Variants in CHCHD3 observed in about 807,000 individuals in gnomAD.
CHCHD3 encodes the protein MICOS complex subunit MIC19.
CHCHD3 carries 20 observed loss-of-function variants against 38.2 expected under a neutral mutation model. That is an observed-to-expected ratio of 0.52 (90% CI 0.37 to 0.76). The LOEUF (loss-of-function observed/expected upper bound fraction) is 0.76, where lower values mean the gene tolerates loss of function less well. Ranked by LOEUF, CHCHD3 falls within the 30% of genes least tolerant of loss-of-function variation. CHCHD3 has a pLI of 0.00. For synonymous variants in CHCHD3, 82 were observed against 100.0 expected, an observed-to-expected ratio of 0.82 and a Z score of 1.07; for missense variants, 245 against 279.2, an observed-to-expected ratio of 0.88 and a Z score of 0.87.
chr7:133,016,678 G>T (rs562882371), intron 3 of CHCHD3, among the ~76,000 whole-genome samples: 2 of 152,144 alleles, frequency 1.3e-5, no homozygotes, highest in African/African-American at 4.8e-5. Flanking sequence ...TTTTTAGCTC[G>T]AGGCTATATT....
intron 4 of CHCHD3, among the ~76,000 whole-genome samples, chr7:132,892,140 T>C (rs898982452): frequency 6.6e-6 from 1 of 152,128 alleles, no homozygotes; most frequent in Admixed American, 6.5e-5. Flanking sequence ...TGGACAGACG[T>C]TGGGACAATT....
chr7:133,019,464 A>C (rs1813122381), intron 3 of CHCHD3, among the ~76,000 whole-genome samples: 1 of 152,334 alleles, frequency 6.6e-6, no homozygotes, highest in East Asian at 1.9e-4. Context: ...CAATGCTATC[A>C]ATGGAAAAAT....
chr7:132,934,855 C>G (rs2117261219), intron 4 of CHCHD3, among the ~76,000 whole-genome samples: 1 of 152,316 alleles, frequency 6.6e-6, no homozygotes, highest in African/African-American at 2.4e-5. Flanking sequence ...TGAGACTATT[C>G]TGCATCTTCT....
chr7:132,901,798 G>A lies in CHCHD3; in HGVS notation c.370-16053C>T, dbSNP rs1809676545. On this transcript the variant is annotated intron_variant, in intron 4 of 7. Transcript: ENST00000262570. ...CACTCTGATGACAGTTTCTTTTGCTGTGCAGAAGCTCTTTAGTTTAATTAG... is the reference window on the plus strand; with the variant it reads ...CACTCTGATGACAGTTTCTTTTGCTATGCAGAAGCTCTTTAGTTTAATTAG... Among the ~76,000 whole-genome samples the A allele has an allele frequency of 2.6e-5, 4 of 152,262 alleles. 1 individual carries two copies. In the South Asian group the frequency reaches 8.3e-4, roughly 32 times the overall value.
chr7:132,957,382 G>A (rs1205136142), intron 4 of CHCHD3, among the ~76,000 whole-genome samples: 3 of 152,214 alleles, frequency 2.0e-5, no homozygotes, highest in African/African-American at 7.2e-5. Context: ...CAATGGTGGG[G>A]CCAAACTGGG....
At chr7:132,887,988 A>G (rs1477016499) in intron 4 of CHCHD3, among the ~76,000 whole-genome samples, 3 of 151,846 alleles carry the variant, frequency 2.0e-5, no homozygotes, top group African/African-American at 7.2e-5. Flanking sequence ...GGTTGTTTAA[A>G]CTTCATTACA....
intron 3 of CHCHD3, among the ~76,000 whole-genome samples, chr7:133,014,632 C>T (rs900235677): frequency 1.3e-5 from 2 of 148,626 alleles, no homozygotes; most frequent in Non-Finnish European, 3.0e-5. Context: ...TCAAGCAACA[C>T]AAATATATAA....
chr7:133,024,537 A>G lies in CHCHD3; in HGVS notation c.251+9T>C, dbSNP rs1487663296. 1.2e-6 allele frequency: 2 copies of G among 1,607,106 alleles called. No homozygotes were observed. Among genetic ancestry groups the G allele is most frequent in the Non-Finnish European group, 1.7e-6 (2 of 1,174,080 alleles). On this transcript the variant is annotated intron_variant, in intron 3 of 7. Coordinates refer to ENST00000262570, the MANE Select transcript of CHCHD3 (RefSeq NM_017812.4). ...CACCAAAACCTCTCTCTGATACCAC[A>G]AAACTCACCGTTTCTGATCTTCGGA...
chr7:132,898,870 G>A (rs1037661637), intron 4 of CHCHD3, among the ~76,000 whole-genome samples: 4 of 152,226 alleles, frequency 2.6e-5, no homozygotes, highest in African/African-American at 7.2e-5. Context: ...CTCATTGCCC[G>A]GGGCCGGCAG....
intron 5 of CHCHD3, among the ~76,000 whole-genome samples, chr7:132,859,191 A>C (rs1282364354): frequency 6.6e-6 from 1 of 152,188 alleles, no homozygotes; most frequent in African/African-American, 2.4e-5. Flanking sequence ...GAATACTATT[A>C]CCTTCCCTGA....
intron 3 of CHCHD3, among the ~76,000 whole-genome samples, chr7:133,015,382 A>AAATG (rs1813001988): frequency 6.6e-6 from 1 of 150,438 alleles, no homozygotes; most frequent in South Asian, 2.1e-4. Context: ...ATAAATAAAT[A>AAATG]AATGTCAGGT....
At chr7:132,984,445 C>G (rs1284552567) in intron 3 of CHCHD3, among the ~76,000 whole-genome samples, 1 of 150,074 alleles carries the variant, frequency 6.7e-6, no homozygotes, top group Admixed American at 6.6e-5. Flanking sequence ...TGCCTTGGCC[C>G]CGCAAAGTGC....
chr7:132,972,025 G>A (rs1366606513), intron 4 of CHCHD3, among the ~76,000 whole-genome samples: 1 of 152,168 alleles, frequency 6.6e-6, no homozygotes, highest in African/African-American at 2.4e-5. Flanking sequence ...CTGGTTTGGA[G>A]GGTGGTGGGA....
intron 1 of CHCHD3, among the ~76,000 whole-genome samples, chr7:133,079,878 G>A (rs999222024): frequency 4.6e-5 from 7 of 152,172 alleles, no homozygotes; most frequent in African/African-American, 1.7e-4. Context: ...TGACCTCTGT[G>A]TACTCAATAC....
chr7:132,797,589 G>A (rs919027184), intron 6 of CHCHD3, among the ~76,000 whole-genome samples: 2 of 152,146 alleles, frequency 1.3e-5, no homozygotes, highest in African/African-American at 4.8e-5. Flanking sequence ...GAACCCTACA[G>A]AAGTCATGTA....
At chr7:132,806,624 G>T (rs951037976) in intron 6 of CHCHD3, among the ~76,000 whole-genome samples, 1 of 152,032 alleles carries the variant, frequency 6.6e-6, no homozygotes, top group Non-Finnish European at 1.5e-5. Flanking sequence ...ACAAGTAAAT[G>T]AAGGAAAGGC....
intron 5 of CHCHD3, among the ~76,000 whole-genome samples, chr7:132,864,527 T>C (rs572805022): frequency 2.0e-5 from 3 of 152,158 alleles, no homozygotes; most frequent in African/African-American, 4.8e-5. Context: ...AGTGAGCACA[T>C]GCTTTGGGAA....
At chr7:133,027,733 A>G (rs939988375) in intron 2 of CHCHD3, among the ~76,000 whole-genome samples, 2 of 152,166 alleles carry the variant, frequency 1.3e-5, no homozygotes, top group Non-Finnish European at 2.9e-5. Flanking sequence ...GGGGTCAAAC[A>G]AAACTTAGGA....
At chr7:133,058,841 A>G (rs1385873280) in intron 2 of CHCHD3, among the ~76,000 whole-genome samples, 1 of 152,246 alleles carries the variant, frequency 6.6e-6, no homozygotes, top group African/African-American at 2.4e-5. Context: ...AAAAGCCCAT[A>G]TGAGCTAAAG....
Sources: gnomAD v4.1 joint callset for allele counts (sites outside exome capture counted in the v4.1 genomes callset) on GRCh38, gnomAD v4.1.1 for gene constraint, MANE v1.5 for transcripts, NCBI Gene and HGNC (gene_info 2026-07-23, HGNC 2026-07-21) for gene names.